Variants in INPP1 observed in about 807,000 individuals in gnomAD.
The protein encoded by INPP1 is inositol polyphosphate-1-phosphatase.
In INPP1, 18 loss-of-function variants were observed where a neutral mutation model predicts 23.0. The observed-to-expected ratio is 0.78, with a 90% CI of 0.54 to 1.16. The LOEUF (loss-of-function observed/expected upper bound fraction) is 1.16, where lower values mean the gene tolerates loss of function less well. Ranked by LOEUF, INPP1 falls within the 50% of genes most tolerant of loss-of-function variation. The pLI is 0.00. For missense variants in INPP1, 448 were observed against 482.1 expected (o/e 0.93, Z 0.66); for synonymous variants, 164 against 176.3 (o/e 0.93, Z 0.55).
rs576454106 is a variant in INPP1 at position 190,354,325 on chromosome 2, G to A, written c.-65+5294G>A. On this transcript the variant is annotated intron_variant, in intron 2 of 6. Transcript: ENST00000392329. This position sits in a 1 kb window ranked among gnomAD's most constrained non-coding sequence, Gnocchi z 4.8. ...ATTGTGTCAGCTAATAGATTGGGTC[G>A]CTAAGGTAACCACGGCCTGTCTTTC... is the stretch of plus-strand genomic sequence containing the variant. Among the ~76,000 whole-genome samples the A allele has an allele frequency of 7.2e-5, 11 of 152,298 alleles. No homozygotes were observed. The highest frequency in any genetic ancestry group is 4.1e-4 in the South Asian group (2 of 4,820).
rs1335126477 is a variant in INPP1, at chr2:190,371,306, C to A, written c.1104C>A (p.Asn368Lys). Residue 368 changes from asparagine to lysine, a missense_variant, in exon 7 of 7, where the codon AAC (asparagine) becomes AAA (lysine). Physicochemically the swap from Asn to Lys is moderately conservative, Grantham distance 94. Transcript: ENST00000392329. The surrounding 1 kb of genome is among the most constrained non-coding windows in gnomAD (Gnocchi z 5.3). The stretch of plus-strand genomic sequence containing the variant: ...CTGCTGGGGTGGATCGGTGGGCCAA[C>A]AAGGGAGGACTCATTGCATACAGAT... ...EGAAGVDRWA[N>K]KGGLIAYRSR... 2 of 1,605,158 alleles carry A rather than the reference C, an allele frequency of 1.2e-6. No individual in the cohort carries two copies. The highest frequency in any genetic ancestry group is 2.7e-5 in the African/African-American group (2 of 74,704).
Position 190,371,396 on chromosome 2 carries a change from T to C in INPP1, c.1194T>C (p.His398=), listed in dbSNP as rs1689803732. ...AAAACCTGGCACCTGCAGAGACGCATACCTAGAGGAACTCTAACCCCGGTG... is the reference window on the plus strand; with the variant it reads ...AAAACCTGGCACCTGCAGAGACGCACACCTAGAGGAACTCTAACCCCGGTG... ...LVQNLAPAET[H]T is the part of the protein sequence containing the mutation. The change falls in exon 7 of 7, where the codon CAT becomes CAC. Residue 398 remains histidine, a synonymous_variant. Transcript: ENST00000392329. This position sits in a 1 kb window ranked among gnomAD's most constrained non-coding sequence, Gnocchi z 5.3. 1.3e-6 allele frequency: 2 copies of C among 1,517,970 alleles called. No individual in the cohort carries two copies. The highest frequency in any genetic ancestry group is 1.8e-6 in the Non-Finnish European group (2 of 1,135,296). 94.0% of individuals were successfully genotyped at this position (1,517,970 alleles called of 1,614,324 possible). A position where few individuals can be genotyped will look rare whatever the true frequency, so the allele number is the denominator to read the frequency against.
intron 1 of INPP1, among the ~76,000 whole-genome samples, chr2:190,347,918 A>T (rs1450592448): frequency 1.3e-5 from 2 of 152,214 alleles, no homozygotes; most frequent in African/African-American, 4.8e-5. Flanking sequence ...CGGGTGGATT[A>T]CCTGAGGTCA....
At chr2:190,364,402 C>T (rs1428591125) in intron 4 of INPP1, among the ~76,000 whole-genome samples, 6 of 151,718 alleles carry the variant, frequency 4.0e-5, no homozygotes, top group African/African-American at 1.2e-4. Flanking sequence ...ATTAGCCGGG[C>T]GTGGTGGCGG....
chr2:190,361,757 G>A (rs550100658), intron 3 of INPP1, among the ~76,000 whole-genome samples: 68 of 152,288 alleles, frequency 4.5e-4, no homozygotes, highest in African/African-American at 1.6e-3. Context: ...TTCAGCCCTT[G>A]ATGAATGGGC....
In INPP1 at chr2:190,370,993, T is replaced by G; in HGVS notation, c.791T>G (p.Ile264Ser). 1 of 1,614,150 alleles carries G rather than the reference T, an allele frequency of 6.2e-7. No homozygotes were observed. The highest frequency in any genetic ancestry group is 8.5e-7 in the Non-Finnish European group (1 of 1,180,024). Residue 264 changes from isoleucine (I) to serine (S), a missense_variant, in exon 7 of 7, where the codon ATT becomes AGT. Coordinates refer to ENST00000392329, the MANE Select transcript of INPP1 (RefSeq NM_001128928.2). ...TTCTCCCCCAGTTTTTCAGCCGTAA[T>G]TAGTACAAGTGAAAAGGAGACTATC... ...AAFSPSFSAV[I>S]STSEKETIKA...
In INPP1 at chr2:190,356,629, G is replaced by T. The variant is rs187325423; in HGVS notation, c.-64-3410G>T. 2.6e-5 allele frequency: 4 copies of T among 152,100 alleles called. No homozygotes were observed. The highest frequency in any genetic ancestry group is 9.7e-5 in the African/African-American group (4 of 41,402). The allele number at this position is 152,100 out of a possible 1,614,324, so 9.4% of individuals were successfully genotyped here. ...AGCTTGTAGCCAGGGTGATTAGCTC[G>T]CCTGAGTGTTATTAGGGTGTTATAA... On this transcript the variant is annotated intron_variant, in intron 2 of 6. Transcript: ENST00000392329. This position sits in a 1 kb window ranked among gnomAD's most constrained non-coding sequence, Gnocchi z 6.4.
At chr2:190,366,661 A>G in intron 4 of INPP1, 34 bp from the exon 5 acceptor site, 1 of 1,462,088 alleles carries the variant, frequency 6.8e-7, no homozygotes, top group Non-Finnish European at 9.6e-7. Flanking sequence ...GAAACTCTTG[A>G]AATGTAATGG....
rs62182024 is a variant in INPP1 at position 190,354,926 on chromosome 2, G to T, written c.-64-5113G>T. On this transcript the variant is annotated intron_variant, in intron 2 of 6. Transcript: ENST00000392329. This position sits in a 1 kb window ranked among gnomAD's most constrained non-coding sequence, Gnocchi z 4.8. The stretch of plus-strand genomic sequence containing the variant: ...ACCTAGTGACAGATATCAACTAGGG[G>T]TGTGTGTGTGTGTGTGTGTGCATTT... Among the ~76,000 whole-genome samples, 1 of 55,176 alleles carries T rather than the reference G, an allele frequency of 1.8e-5. No homozygotes were observed. The highest frequency in any genetic ancestry group is 4.1e-4 in the South Asian group (1 of 2,440). 36.2% of individuals were successfully genotyped at this position (55,176 alleles called of 152,430 possible).
At position 190,367,129 on chromosome 2, in the gene INPP1, G is replaced by C. The variant is rs371048986; in HGVS notation, c.466+234G>C. Among the ~76,000 whole-genome samples, 6 of 151,970 alleles carry C rather than the reference G, an allele frequency of 3.9e-5. No individual in the cohort carries two copies. The highest frequency in any genetic ancestry group is 2.6e-4 in the Admixed American group (4 of 15,260). On this transcript the variant is annotated intron_variant, in intron 5 of 6. Coordinates refer to ENST00000392329, the MANE Select transcript of INPP1 (RefSeq NM_001128928.2). The surrounding 1 kb of genome is among the most constrained non-coding windows in gnomAD (Gnocchi z 4.1). Reference sequence around the variant, plus strand: ...ATATACATATCTATAACAGGTGTGTGTATATACACACACATACATACAGGC... The same window carrying C: ...ATATACATATCTATAACAGGTGTGTCTATATACACACACATACATACAGGC...
Position 190,371,492 on chromosome 2 carries a change from C to A in INPP1, c.*90C>A. On this transcript the variant is annotated 3_prime_UTR_variant, in exon 7 of 7. Coordinates refer to ENST00000392329, the MANE Select transcript of INPP1 (RefSeq NM_001128928.2). This position sits in a 1 kb window ranked among gnomAD's most constrained non-coding sequence, Gnocchi z 5.3. Reference sequence around the variant, plus strand: ...TTTTGAGGATGGCTTTGTCCTGTTGCTGGTTAACATTCACCTTCCTCTTTT... The same window carrying A: ...TTTTGAGGATGGCTTTGTCCTGTTGATGGTTAACATTCACCTTCCTCTTTT... 1.0e-6 allele frequency: 1 copy of A among 958,678 alleles called. No individual in the cohort carries two copies. The highest frequency in any genetic ancestry group is 1.5e-6 in the Non-Finnish European group (1 of 672,946). 59.4% of individuals were successfully genotyped at this position (958,678 alleles called of 1,614,324 possible). A position where few individuals can be genotyped will look rare whatever the true frequency, so the allele number is the denominator to read the frequency against.
rs920625956 is a variant in INPP1, at chr2:190,345,366, A to C, written c.-209+1405A>C. ...GCTTTCCTTGTTATAGTCCTGAAAA[A>C]AATGAAAAGATAATTTCTTGTTTGA... On this transcript the variant is annotated intron_variant, in intron 1 of 6. Coordinates refer to ENST00000392329, the MANE Select transcript of INPP1 (RefSeq NM_001128928.2). This position sits in a 1 kb window ranked among gnomAD's most constrained non-coding sequence, Gnocchi z 4.9. 3 of 152,230 alleles carry C rather than the reference A, an allele frequency of 2.0e-5. No individual in the cohort carries two copies. Among genetic ancestry groups the C allele is most frequent in the Admixed American group, 6.5e-5 (1 of 15,290 alleles). The allele number at this position is 152,230 out of a possible 1,614,324, so 9.4% of individuals were successfully genotyped here. A position where few individuals can be genotyped will look rare whatever the true frequency, so the allele number is the denominator to read the frequency against.
At position 190,360,311 on chromosome 2, in the gene INPP1, GA is replaced by G; in HGVS notation, c.204+8del. The stretch of plus-strand genomic sequence containing the variant: ...AAACAGAATATGGAGAACAAGGTAA[GA>G]AAGGTCATAGCCAAGGTAACTGCAA... On this transcript the variant is annotated splice_donor_region_variant and intron_variant, in intron 3 of 6. Transcript: ENST00000392329. 6.2e-7 allele frequency: 1 copy of G among 1,613,594 alleles called. No individual in the cohort carries two copies. Among genetic ancestry groups the G allele is most frequent in the Non-Finnish European group, 8.5e-7 (1 of 1,179,664 alleles).
At position 190,367,307 on chromosome 2, in the gene INPP1, G is replaced by T. The variant is rs182149738; in HGVS notation, c.466+412G>T. ...TTTAGCAGATTGTTACCATATGGGA[G>T]TACAGGCCAGCTCTTCAGATTTTTA... On this transcript the variant is annotated intron_variant, in intron 5 of 6. Coordinates refer to ENST00000392329, the MANE Select transcript of INPP1 (RefSeq NM_001128928.2). The surrounding 1 kb of genome is among the most constrained non-coding windows in gnomAD (Gnocchi z 4.1). Among the ~76,000 whole-genome samples the T allele has an allele frequency of 2.6e-3, 392 of 152,304 alleles. 6 individuals carry two copies. The highest frequency in any genetic ancestry group is 0.024 in the Admixed American group (363 of 15,298).
At chr2:190,369,832 A>G (rs1689765698) in intron 6 of INPP1, among the ~76,000 whole-genome samples, 1 of 152,216 alleles carries the variant, frequency 6.6e-6, no homozygotes, top group African/African-American at 2.4e-5. Context: ...CCTCTGATCC[A>G]TGGCCTGTGC....
At chr2:190,366,507 GTCTC>G (rs1173659563) in intron 4 of INPP1, among the ~76,000 whole-genome samples, 184 bp from the exon 5 acceptor site, 23 of 134,242 alleles carry the variant, frequency 1.7e-4, no homozygotes, top group Non-Finnish European at 2.9e-4. Flanking sequence ...CTCTCTGTGT[GTCTC>G]TCTCTCACTC....
intron 3 of INPP1, among the ~76,000 whole-genome samples, chr2:190,361,996 C>T (rs536371649): frequency 3.3e-4 from 50 of 152,252 alleles, no homozygotes; most frequent in Admixed American, 2.5e-3. Context: ...CAGAAAGCTT[C>T]GTGATCATAC....
chr2:190,366,173 G>C (rs1285340274), intron 4 of INPP1, among the ~76,000 whole-genome samples: 7 of 140,296 alleles, frequency 5.0e-5, no homozygotes, highest in Middle Eastern at 4.0e-3. Context: ...CTCGCTCTTT[G>C]TCTCTTGCTC....
intron 2 of INPP1, among the ~76,000 whole-genome samples, chr2:190,357,391 A>G (rs1689439436): frequency 6.6e-6 from 1 of 152,228 alleles, no homozygotes; most frequent in Non-Finnish European, 1.5e-5. Flanking sequence ...CTCAGTTATA[A>G]CTACCATTAA....
Sources: gnomAD v4.1 joint callset for allele counts (sites outside exome capture counted in the v4.1 genomes callset) on GRCh38, gnomAD v4.1.1 for gene constraint, Gnocchi (gnomAD v3.1) non-coding constraint, MANE v1.5 for transcripts, NCBI Gene and HGNC (gene_info 2026-07-23, HGNC 2026-07-21) for gene names.